The following ABCA10 variants were observed in gnomAD, a reference collection of about 807,000 sequenced individuals.
ABCA10 encodes the protein ATP binding cassette subfamily A member 10, also known as ATP-binding cassette sub-family A member 10.
ABCA10 carries 169 observed loss-of-function variants against 187.5 expected under a neutral mutation model. The observed-to-expected ratio is 0.90, with a 90% CI of 0.80 to 1.02. The LOEUF (loss-of-function observed/expected upper bound fraction) is 1.02, where lower values mean the gene tolerates loss of function less well. Ranked by LOEUF, ABCA10 falls within the 50% of genes least tolerant of loss-of-function variation. The pLI, the probability that ABCA10 is intolerant of heterozygous loss-of-function variation, is 0.00. For missense variants in ABCA10, 1,727 were observed against 1,812.4 expected, an observed-to-expected ratio of 0.95 and a Z score of 0.86; for synonymous variants, 574 against 601.8, an observed-to-expected ratio of 0.95 and a Z score of 0.68.
chr17:69,209,652 CAT>C (rs1268789943), intron 9 of ABCA10, among the ~76,000 whole-genome samples: 4 of 152,246 alleles, frequency 2.6e-5, no homozygotes, highest in Admixed American at 1.3e-4. Context: ...GTGAGGAAAA[CAT>C]AGATTTTTTA....
rs199826576 is a variant in ABCA10 at position 69,219,664 on chromosome 17, A to G, written c.411T>C (p.His137=). The change falls in exon 6 of 39, where the codon CAT becomes CAC. Residue 137 remains histidine, a synonymous_variant. Coordinates refer to ENST00000690296, the MANE Select transcript of ABCA10 (RefSeq NM_001377321.1). ...SKGEIMNEWF[H]FTCLVSFSSF... is the part of the protein sequence containing the mutation. ...AAGAGAAAGAAACTAAGCAAGTAAAATGAAACCATTCATTCATAATTTCTC... is the reference window on the plus strand; with the variant it reads ...AAGAGAAAGAAACTAAGCAAGTAAAGTGAAACCATTCATTCATAATTTCTC... The G allele has an allele frequency of 6.0e-5, 96 of 1,611,116 alleles. No individual in the cohort carries two copies. Among genetic ancestry groups the G allele is most frequent in the Middle Eastern group, 4.9e-4 (3 of 6,076 alleles).
At position 69,191,404 on chromosome 17, in the gene ABCA10, T is replaced by C. The variant is rs554543335; in HGVS notation, c.1872-89A>G. The C allele has an allele frequency of 8.6e-6, 11 of 1,285,230 alleles. No homozygotes were observed. The South Asian group carries it at 1.2e-4, about 14-fold the overall frequency. 79.6% of individuals were successfully genotyped at this position (1,285,230 alleles called of 1,614,324 possible). On this transcript the variant is annotated intron_variant, in intron 16 of 38. Coordinates refer to ENST00000690296, the MANE Select transcript of ABCA10 (RefSeq NM_001377321.1). ...ATAGTTTTCTATTAAACAGCTTATATGTATTACAGGCATATTCTACTTAAC... is the reference window on the plus strand; with the variant it reads ...ATAGTTTTCTATTAAACAGCTTATACGTATTACAGGCATATTCTACTTAAC...
chr17:69,234,463 T>C (rs2074852159), intron 1 of ABCA10: 1 of 152,288 alleles, frequency 6.6e-6, no homozygotes, highest in African/African-American at 2.4e-5. Flanking sequence ...GCCAAGCTCC[T>C]TGGGGAATGG....
rs540393479 is a variant in ABCA10, at chr17:69,195,076, T to G, written c.1235-581A>C. Among the ~76,000 whole-genome samples the G allele has an allele frequency of 2.2e-4, 34 of 152,340 alleles. 1 individual carries two copies. The highest frequency in any genetic ancestry group is 7.9e-4 in the African/African-American group (33 of 41,578). ...GACATGTCACAGGCATTTTCACATATATGTGCCTAAGGCTTGACAACTTTT... is the reference window on the plus strand; with the variant it reads ...GACATGTCACAGGCATTTTCACATAGATGTGCCTAAGGCTTGACAACTTTT... On this transcript the variant is annotated intron_variant, in intron 11 of 38. Transcript: ENST00000690296.
At chr17:69,235,773 T>TAA (rs149199225) in intron 1 of ABCA10, among the ~76,000 whole-genome samples, 2 of 146,496 alleles carry the variant, frequency 1.4e-5, no homozygotes, top group African/African-American at 5.1e-5. Context: ...TACTGAGATT[T>TAA]AAAAAAAAGA....
chr17:69,185,938 A>G (rs1479921661), intron 19 of ABCA10, among the ~76,000 whole-genome samples: 3 of 152,168 alleles, frequency 2.0e-5, no homozygotes, highest in African/African-American at 7.2e-5. Context: ...AAATGATTTT[A>G]TGAGATAACA....
Position 69,182,175 on chromosome 17 carries a change from A to T in ABCA10, c.2747T>A (p.Met916Lys), listed in dbSNP as rs4968849. Residue 916 changes from methionine to lysine, a missense_variant, in exon 22 of 39, where the codon ATG becomes AAG. Coordinates refer to ENST00000690296, the MANE Select transcript of ABCA10 (RefSeq NM_001377321.1). The part of the protein sequence containing the change: ...GIFNFTELIQ[M>K]ESTSFSRDDI... ...TACACGAGAAAATGAAGTGCTCTCC[A>T]TTTGAATAAGCTCCGTGAAGTTAAA... is the stretch of plus-strand genomic sequence containing the variant. 2 of 1,583,016 alleles carry T rather than the reference A, an allele frequency of 1.3e-6. No individual in the cohort carries two copies. The highest frequency in any genetic ancestry group is 2.3e-5 in the South Asian group (2 of 86,060).
chr17:69,203,255 A>G (rs979944440), intron 9 of ABCA10, among the ~76,000 whole-genome samples: 4 of 152,226 alleles, frequency 2.6e-5, no homozygotes, highest in Admixed American at 2.0e-4. Context: ...AAGAGAAATT[A>G]CACTATGAAA....
At chr17:69,149,269 G>C in intron 37 of ABCA10, 181 bp from the exon 38 acceptor site, 1 of 613,080 alleles carries the variant, frequency 1.6e-6, no homozygotes, top group Non-Finnish European at 2.7e-6. Flanking sequence ...AGCCATGCAT[G>C]AACATATTCA....
At chr17:69,184,847 ATATG>A (rs2074407750) in intron 20 of ABCA10, among the ~76,000 whole-genome samples, 1 of 85,094 alleles carries the variant, frequency 1.2e-5, no homozygotes, top group South Asian at 3.9e-4. Context: ...ATATATATGT[ATATG>A]TGTGTGTGTG....
At chr17:69,176,400 T>G (rs2074334117) in intron 22 of ABCA10, among the ~76,000 whole-genome samples, 1 of 152,106 alleles carries the variant, frequency 6.6e-6, no homozygotes, top group Non-Finnish European at 1.5e-5. Flanking sequence ...TGTAATTTAT[T>G]ATTATTATGA....
chr17:69,168,728 G>A (rs1018711107), intron 25 of ABCA10, among the ~76,000 whole-genome samples: 2 of 152,180 alleles, frequency 1.3e-5, no homozygotes, highest in African/African-American at 4.8e-5. Flanking sequence ...AGATGACTGA[G>A]TTATGATGGC....
At position 69,225,351 on chromosome 17, in the gene ABCA10, T is replaced by C. The variant is rs2074785531; in HGVS notation, c.8A>G (p.Lys3Arg). ...TTTCATAAAGGAAGCCAAGGCCATC[T>C]TATTCATTATCCTTTGTGTTATGTT... The part of the protein sequence containing the change: MN[K>R]MALASFMKGR... Residue 3 changes from lysine to arginine, a missense_variant, in exon 3 of 39, where the codon AAG becomes AGG. Physicochemically the swap from Lys to Arg is conservative, Grantham distance 26 (BLOSUM62 2). Coordinates refer to ENST00000690296, the MANE Select transcript of ABCA10 (RefSeq NM_001377321.1). The C allele has an allele frequency of 6.2e-7, 1 of 1,613,278 alleles. No homozygotes were observed. The highest frequency in any genetic ancestry group is 8.5e-7 in the Non-Finnish European group (1 of 1,179,440).
chr17:69,197,014 G>C, intron 11 of ABCA10, 50 bp downstream of exon 11: 1 of 1,326,820 alleles, frequency 7.5e-7, no homozygotes, highest in Non-Finnish European at 1.0e-6. Flanking sequence ...GACAGAGGGA[G>C]GGGGAGGGGG....
intron 9 of ABCA10, among the ~76,000 whole-genome samples, chr17:69,212,561 G>A (rs74443265): frequency 2.5e-4 from 38 of 152,170 alleles, no homozygotes; most frequent in African/African-American, 7.5e-4. Context: ...GTGGAGTATC[G>A]AAGTCCCCCA....
At chr17:69,195,670 C>T (rs573500407) in intron 11 of ABCA10, among the ~76,000 whole-genome samples, 1 of 147,724 alleles carries the variant, frequency 6.8e-6, no homozygotes, top group South Asian at 2.1e-4. Flanking sequence ...AACATGTGAA[C>T]AAGGGTCTCC....
chr17:69,182,792 G>C lies in ABCA10; in HGVS notation c.2514C>G (p.Asp838Glu), dbSNP rs773035900. 1.9e-6 allele frequency: 3 copies of C among 1,603,790 alleles called. No individual in the cohort carries two copies. In the Admixed American group the frequency reaches 5.1e-5, roughly 27 times the overall value. Residue 838 changes from aspartate (D) to glutamate (E), a missense_variant, in exon 21 of 39, where the codon GAC (aspartate) becomes GAG (glutamate). Transcript: ENST00000690296. ...CCTGACACTTCAGTGAATGCACGAG[G>C]TCTTCAATATTTGATCCTAACATAG... The part of the protein sequence containing the change: ...IVNNTGSNIE[D>E]LVHSLKCQDI...
chr17:69,244,531 G>T (rs898571453), exon 1 of ABCA10: 3 of 151,520 alleles, frequency 2.0e-5, no homozygotes, highest in African/African-American at 7.3e-5. Context: ...ACTTTTACCT[G>T]ATAAGAATAG....
At chr17:69,244,436 CTTA>C (rs1289847189) in intron 1 of ABCA10, 1 of 151,750 alleles carries the variant, frequency 6.6e-6, no homozygotes, top group Non-Finnish European at 1.5e-5. Flanking sequence ...ACTCTTAAAG[CTTA>C]TTATTAATAT....
Sources: allele counts gnomAD v4.1 joint callset (sites outside exome capture counted in the v4.1 genomes callset), GRCh38; gene constraint gnomAD v4.1.1; transcripts MANE v1.5; gene names NCBI Gene and HGNC (gene_info 2026-07-23, HGNC 2026-07-21).